Variants in SNTB2 observed in about 807,000 individuals in gnomAD.
SNTB2 encodes the protein beta-2-syntrophin.
A neutral mutation model predicts 46.2 loss-of-function variants in SNTB2; 34 were observed. That is an observed-to-expected ratio of 0.74 (90% CI 0.56 to 0.98). SNTB2 has a LOEUF of 0.98. Ranked by LOEUF, SNTB2 falls within the 50% of genes least tolerant of loss-of-function variation. The pLI, the probability that SNTB2 is intolerant of heterozygous loss-of-function variation, is 0.00. For missense variants in SNTB2, 603 were observed against 731.4 expected (o/e 0.82, Z 2.02); for synonymous variants, 290 against 312.6 (o/e 0.93, Z 0.76).
rs76275741 is a variant in SNTB2, at chr16:69,242,264, A to G, written c.581-3338A>G. ...AAAATAGCAAGACCTTGTCTCTACA[A>G]AAAATTAAAAAGTTAGCCAGATGTG... On this transcript the variant is annotated intron_variant, in intron 1 of 6. Coordinates refer to ENST00000336278, the MANE Select transcript of SNTB2 (RefSeq NM_006750.4). 7.9e-3 allele frequency among the ~76,000 whole-genome samples: 1,205 copies of G among 152,142 alleles called. 11 individuals are homozygous for G. Among genetic ancestry groups the G allele is most frequent in the African/African-American group, 0.026 (1,066 of 41,508 alleles).
At chr16:69,202,692 C>T (rs1597170439) in intron 1 of SNTB2, among the ~76,000 whole-genome samples, 1 of 152,170 alleles carries the variant, frequency 6.6e-6, no homozygotes, top group East Asian at 1.9e-4. Flanking sequence ...TCTCGTGCTT[C>T]AGCCTCCCAG....
chr16:69,235,364 AG>A (rs1964548737), intron 1 of SNTB2, among the ~76,000 whole-genome samples: 1 of 152,182 alleles, frequency 6.6e-6, no homozygotes, highest in South Asian at 2.1e-4. Context: ...ATAAATGTTA[AG>A]GGGTTATCTC....
Position 69,305,067 on chromosome 16 carries a change from G to C in SNTB2, c.*4143G>C, listed in dbSNP as rs75616757. ...TTTGCTGTAAATGGTTTTGATGGGC[G>C]AAAGTGTGAGAAAAGGTTATAATAG... On this transcript the variant is annotated 3_prime_UTR_variant, in exon 7 of 7. Coordinates refer to ENST00000336278, the MANE Select transcript of SNTB2 (RefSeq NM_006750.4). The C allele has an allele frequency of 1.3e-5, 2 of 152,060 alleles. No homozygotes were observed. The highest frequency in any genetic ancestry group is 2.9e-5 in the Non-Finnish European group (2 of 68,012). The allele number at this position is 152,060 out of a possible 1,614,324, so 9.4% of individuals were successfully genotyped here.
chr16:69,200,559 T>A (rs953558737), intron 1 of SNTB2, among the ~76,000 whole-genome samples: 2 of 152,206 alleles, frequency 1.3e-5, no homozygotes, highest in Non-Finnish European at 2.9e-5. Flanking sequence ...ATAAATGGCG[T>A]CAAGGAGAGG....
chr16:69,272,701 G>C (rs1431925515), intron 4 of SNTB2, among the ~76,000 whole-genome samples: 2 of 151,568 alleles, frequency 1.3e-5, no homozygotes, highest in African/African-American at 4.9e-5. Flanking sequence ...AGACCAGCCT[G>C]ACCAACATGG....
At chr16:69,279,847 TAA>T (rs780708499) in intron 4 of SNTB2, among the ~76,000 whole-genome samples, 9 of 121,060 alleles carry the variant, frequency 7.4e-5, no homozygotes, top group East Asian at 6.3e-4. Context: ...CCATTTTTTT[TAA>T]TTAATTAATT....
At chr16:69,189,025 G>T (rs1371564886) in intron 1 of SNTB2, among the ~76,000 whole-genome samples, 1 of 152,170 alleles carries the variant, frequency 6.6e-6, no homozygotes. Context: ...TGCTGGTGAA[G>T]AAGGACCAAT....
Position 69,251,258 on chromosome 16 carries a change from G to A in SNTB2, c.794+5443G>A, listed in dbSNP as rs992311360. On this transcript the variant is annotated intron_variant, in intron 2 of 6. Transcript: ENST00000336278. ...CTCCCAAAGTGCTGGGATTACAGGCGTGAGCCACTGCACCCGGCCTTGTTT... is the reference window on the plus strand; with the variant it reads ...CTCCCAAAGTGCTGGGATTACAGGCATGAGCCACTGCACCCGGCCTTGTTT... Among the ~76,000 whole-genome samples, 9 of 151,562 alleles carry A rather than the reference G, an allele frequency of 5.9e-5. No individual in the cohort carries two copies. In the South Asian group the frequency reaches 8.3e-4, roughly 14 times the overall value.
chr16:69,210,342 A>G (rs1567398003), intron 1 of SNTB2, among the ~76,000 whole-genome samples: 1 of 147,124 alleles, frequency 6.8e-6, no homozygotes, highest in South Asian at 2.1e-4. Context: ...GGTTCAAGCT[A>G]TTCTCCTGTC....
At chr16:69,299,547 C>G (rs1291260221) in intron 5 of SNTB2, 43 bp from the exon 6 acceptor site, 1 of 1,582,128 alleles carries the variant, frequency 6.3e-7, no homozygotes, top group Admixed American at 1.7e-5. Context: ...TGATAACTGA[C>G]ATAGCAACTT....
intron 3 of SNTB2, among the ~76,000 whole-genome samples, chr16:69,269,385 C>T (rs1028898561): frequency 4.1e-4 from 62 of 150,824 alleles, no homozygotes; most frequent in African/African-American, 1.5e-3. Context: ...GGCGTGGTGG[C>T]GTACACCTGT....
chr16:69,195,275 A>G (rs1263126174), intron 1 of SNTB2, among the ~76,000 whole-genome samples: 1 of 151,884 alleles, frequency 6.6e-6, no homozygotes, highest in Non-Finnish European at 1.5e-5. Context: ...ATTTGTTGTT[A>G]TTATTTTTTT....
chr16:69,232,499 G>A (rs1404746278), intron 1 of SNTB2, among the ~76,000 whole-genome samples: 1 of 123,490 alleles, frequency 8.1e-6, no homozygotes, highest in Non-Finnish European at 1.7e-5. Flanking sequence ...GCCACGGTGC[G>A]GCCTTTTTTT....
chr16:69,252,371 T>C (rs1159224963), intron 2 of SNTB2, among the ~76,000 whole-genome samples: 3 of 152,168 alleles, frequency 2.0e-5, no homozygotes, highest in African/African-American at 7.2e-5. Flanking sequence ...ACTTATTAAA[T>C]AATGATGAAG....
chr16:69,203,968 C>T lies in SNTB2; in HGVS notation c.580+16222C>T, dbSNP rs185433450. 3.9e-5 allele frequency among the ~76,000 whole-genome samples: 6 copies of T among 152,224 alleles called. No individual in the cohort carries two copies. The East Asian group carries it at 9.7e-4, about 25-fold the overall frequency. ...AGCGTAGTGGCGCGATCCCGGCTTA[C>T]TGCAACCTCCACCTCCCAGGTTCAA... On this transcript the variant is annotated intron_variant, in intron 1 of 6. Coordinates refer to ENST00000336278, the MANE Select transcript of SNTB2 (RefSeq NM_006750.4).
intron 4 of SNTB2, among the ~76,000 whole-genome samples, chr16:69,279,967 TGAACAAAGGTCTCTGGTTTTCCTATGCA>T (rs1484367093): frequency 2.0e-5 from 3 of 152,128 alleles, no homozygotes; most frequent in Admixed American, 2.0e-4. Flanking sequence ...GATAAACAAG[TGAACAAAGGTCTCTGGTTTTCCTATGCA>T]GGGGACCCTG....
chr16:69,266,698 G>A (rs1472368148), intron 3 of SNTB2, among the ~76,000 whole-genome samples: 1 of 152,010 alleles, frequency 6.6e-6, no homozygotes. Flanking sequence ...TAACTTAAGG[G>A]GAAAAATTAT....
chr16:69,243,400 A>G (rs1050194103), intron 1 of SNTB2, among the ~76,000 whole-genome samples: 5 of 152,222 alleles, frequency 3.3e-5, no homozygotes, highest in African/African-American at 1.2e-4. Context: ...AACTCAGATA[A>G]AATTCATTGC....
At chr16:69,231,658 A>C (rs765791951) in intron 1 of SNTB2, among the ~76,000 whole-genome samples, 16 of 152,184 alleles carry the variant, frequency 1.1e-4, no homozygotes, top group Non-Finnish European at 2.1e-4. Context: ...TAAAAACCAA[A>C]GAAAAATATG....
Sources: gnomAD v4.1 joint callset for allele counts (sites outside exome capture counted in the v4.1 genomes callset) on GRCh38, gnomAD v4.1.1 for gene constraint, MANE v1.5 for transcripts, NCBI Gene and HGNC (gene_info 2026-07-23, HGNC 2026-07-21) for gene names.